The following AQP9 variants were observed in gnomAD, a reference collection of about 807,000 sequenced individuals.
AQP9 encodes the protein aquaporin-9.
A neutral mutation model predicts 23.8 loss-of-function variants in AQP9; 19 were observed. That is an observed-to-expected ratio of 0.80 (90% CI 0.56 to 1.17). AQP9 has a LOEUF of 1.17. AQP9 is among the 50% of genes most tolerant of loss of function. AQP9 has a pLI of 0.00. For synonymous variants in AQP9, 153 were observed against 131.5 expected, an observed-to-expected ratio of 1.16 and a Z score of -1.12; for missense variants, 413 against 362.0, an observed-to-expected ratio of 1.14 and a Z score of -1.14.
chr15:58,161,800 T>C (rs928439178), intron 1 of AQP9, among the ~76,000 whole-genome samples: 1 of 152,214 alleles, frequency 6.6e-6, no homozygotes, highest in Non-Finnish European at 1.5e-5. Flanking sequence ...ATTTGATTCT[T>C]TATCAAAAAG....
chr15:58,147,207 TA>T (rs1455604058), intron 1 of AQP9, among the ~76,000 whole-genome samples: 1 of 152,034 alleles, frequency 6.6e-6, no homozygotes, highest in Non-Finnish European at 1.5e-5. Flanking sequence ...AAAGGGGAAG[TA>T]TTTTTTTTTT....
intron 1 of AQP9, chr15:58,156,024 C>G (rs1436849839): frequency 6.6e-6 from 1 of 152,154 alleles, no homozygotes; most frequent in Admixed American, 6.5e-5. Flanking sequence ...TCACCTTACA[C>G]CAATTACCGC....
intron 1 of AQP9, chr15:58,152,544 A>G (rs530367774): frequency 6.6e-6 from 1 of 152,270 alleles, no homozygotes; most frequent in South Asian, 2.1e-4. Context: ...TAGATTGTGG[A>G]TCTAATAACA....
At position 58,177,015 on chromosome 15, in the gene AQP9, A is replaced by T. The variant is rs1898774323; in HGVS notation, c.495+1979A>T. ...GTATAAAGTCAAGTAGAAAAAGCGAATATTAGAAAACCCTGAGGCTGTAAC... is the reference window on the plus strand; with the variant it reads ...GTATAAAGTCAAGTAGAAAAAGCGATTATTAGAAAACCCTGAGGCTGTAAC... On this transcript the variant is annotated intron_variant, in intron 4 of 5. Coordinates refer to ENST00000219919, the MANE Select transcript of AQP9 (RefSeq NM_020980.5). 3.3e-5 allele frequency among the ~76,000 whole-genome samples: 5 copies of T among 152,222 alleles called. 1 individual carries two copies. In the South Asian group the frequency reaches 1.0e-3, roughly 32 times the overall value.
At position 58,175,054 on chromosome 15, in the gene AQP9, A is replaced by C. The variant is rs1363399591; in HGVS notation, c.495+18A>C. The C allele has an allele frequency of 6.3e-7, 1 of 1,587,270 alleles. No homozygotes were observed. The highest frequency in any genetic ancestry group is 8.7e-7 in the Non-Finnish European group (1 of 1,155,820). On this transcript the variant is annotated intron_variant, in intron 4 of 5. Transcript: ENST00000219919. ...CAGATCAAGTAAGTGTAGATTCAACAAAGACTTAACTTTGGTGAAAAGATA... is the reference window on the plus strand; with the variant it reads ...CAGATCAAGTAAGTGTAGATTCAACCAAGACTTAACTTTGGTGAAAAGATA...
Position 58,185,428 on chromosome 15 carries a change from A to G in AQP9, c.*1293A>G, listed in dbSNP as rs1221183582. ...ACAAAGACCCTCATTGTCTGGGTCT[A>G]TTCCCACACTTACTGAGTACAGATG... On this transcript the variant is annotated 3_prime_UTR_variant, in exon 6 of 6. Coordinates refer to ENST00000219919, the MANE Select transcript of AQP9 (RefSeq NM_020980.5). 6.6e-6 allele frequency: 1 copy of G among 152,662 alleles called. No homozygotes were observed. The highest frequency in any genetic ancestry group is 1.5e-5 in the Non-Finnish European group (1 of 68,034). 9.5% of individuals were successfully genotyped at this position (152,662 alleles called of 1,614,324 possible).
chr15:58,165,919 C>T (rs1054176831), intron 1 of AQP9, among the ~76,000 whole-genome samples: 46 of 152,332 alleles, frequency 3.0e-4, no homozygotes, highest in African/African-American at 1.1e-3. Context: ...CCCTAGGAAA[C>T]TACAGCCCCA....
In AQP9 at chr15:58,162,952, G is replaced by A. The variant is rs144076100; in HGVS notation, c.112-3721G>A. Among the ~76,000 whole-genome samples the A allele has an allele frequency of 1.5e-3, 236 of 152,288 alleles. 1 individual carries two copies. Among genetic ancestry groups the A allele is most frequent in the African/African-American group, 5.5e-3 (227 of 41,572 alleles). ...TTTAAAGCCACTAAGTTTGGGGGTG[G>A]TGAATTCTTCAGTGCTGGATAACTG... On this transcript the variant is annotated intron_variant, in intron 1 of 5. Transcript: ENST00000219919.
At chr15:58,156,857 T>TA (rs1312617768) in intron 1 of AQP9, among the ~76,000 whole-genome samples, 2 of 152,184 alleles carry the variant, frequency 1.3e-5, no homozygotes, top group African/African-American at 2.4e-5. Context: ...AGGATCTGGC[T>TA]AAGGGTAGGC....
chr15:58,143,513 T>A (rs1013585789), intron 1 of AQP9, among the ~76,000 whole-genome samples: 1 of 151,184 alleles, frequency 6.6e-6, no homozygotes, highest in Non-Finnish European at 1.5e-5. Context: ...GTGGTGGAGC[T>A]GAGATTAGAA....
At chr15:58,145,411 G>C (rs1401456122) in intron 1 of AQP9, among the ~76,000 whole-genome samples, 1 of 151,572 alleles carries the variant, frequency 6.6e-6, no homozygotes, top group African/African-American at 2.4e-5. Context: ...GCTGAGGCAG[G>C]AGAATTGCTT....
At chr15:58,157,724 T>G (rs1413657476) in intron 1 of AQP9, among the ~76,000 whole-genome samples, 3 of 152,174 alleles carry the variant, frequency 2.0e-5, no homozygotes, top group Non-Finnish European at 4.4e-5. Flanking sequence ...TACCTTTCAC[T>G]CTAGTTTTCT....
chr15:58,143,185 G>A (rs1326970931), intron 1 of AQP9, among the ~76,000 whole-genome samples: 2 of 152,168 alleles, frequency 1.3e-5, no homozygotes, highest in Admixed American at 1.3e-4. Context: ...TGGTACTTCT[G>A]TACTTGGGAG....
chr15:58,159,794 A>G (rs1898336660), intron 1 of AQP9, among the ~76,000 whole-genome samples: 1 of 152,162 alleles, frequency 6.6e-6, no homozygotes, highest in Non-Finnish European at 1.5e-5. Context: ...CACTTAACAT[A>G]ATGACCTCCA....
At chr15:58,147,626 G>C (rs1229490510) in intron 1 of AQP9, among the ~76,000 whole-genome samples, 1 of 152,096 alleles carries the variant, frequency 6.6e-6, no homozygotes, top group African/African-American at 2.4e-5. Context: ...GACCATAAAC[G>C]ACTTGAAGGC....
intron 4 of AQP9, among the ~76,000 whole-genome samples, chr15:58,176,345 C>G (rs1371400382): frequency 6.6e-6 from 1 of 152,034 alleles, no homozygotes; most frequent in Admixed American, 6.6e-5. Flanking sequence ...TGGCAAAACC[C>G]TGCCTCTACC....
chr15:58,172,579 C>A (rs563543237), intron 2 of AQP9, among the ~76,000 whole-genome samples: 1 of 152,330 alleles, frequency 6.6e-6, no homozygotes, highest in East Asian at 1.9e-4. Context: ...CAGCAACCCA[C>A]AGTCATTTTC....
chr15:58,175,736 CA>C (rs1392903781), intron 4 of AQP9, among the ~76,000 whole-genome samples: 2 of 151,576 alleles, frequency 1.3e-5, no homozygotes, highest in Admixed American at 6.6e-5. Flanking sequence ...AGGACTTATA[CA>C]GTGGAGCAGA....
chr15:58,174,176 T>C (rs1288747688), intron 3 of AQP9, among the ~76,000 whole-genome samples: 1 of 151,748 alleles, frequency 6.6e-6, no homozygotes, highest in Non-Finnish European at 1.5e-5. Context: ...TAGTCCCAGC[T>C]ACTCAGGAGG....
Sources: gnomAD v4.1 joint callset for allele counts (sites outside exome capture counted in the v4.1 genomes callset) on GRCh38, gnomAD v4.1.1 for gene constraint, MANE v1.5 for transcripts, NCBI Gene and HGNC (gene_info 2026-07-23, HGNC 2026-07-21) for gene names.